The following LRP1B variants were observed in gnomAD, a reference collection of about 807,000 sequenced individuals.
The protein encoded by LRP1B is low-density lipoprotein receptor-related protein 1B.
LRP1B carries 217 observed loss-of-function variants against 556.6 expected under a neutral mutation model. The ratio of observed to expected loss-of-function variants is 0.39; its 90% CI spans 0.35 to 0.44. The LOEUF is 0.44. Ranked by LOEUF, LRP1B falls within the 20% of genes least tolerant of loss-of-function variation. The pLI, the probability that LRP1B is intolerant of heterozygous loss-of-function variation, is 1.00. For synonymous variants in LRP1B, 2,047 were observed against 1,865.8 expected, an observed-to-expected ratio of 1.10 and a Z score of -2.50; for missense variants, 5,053 against 5,620.8, an observed-to-expected ratio of 0.90 and a Z score of 3.23.
intron 3 of LRP1B, among the ~76,000 whole-genome samples, chr2:141,399,314 G>A (rs1690360968): frequency 6.6e-6 from 1 of 151,980 alleles, no homozygotes; most frequent in Admixed American, 6.6e-5. Flanking sequence ...CCACCCCAAA[G>A]TAAATATGAG....
chr2:141,069,123 A>G (rs1180825459), intron 7 of LRP1B, among the ~76,000 whole-genome samples: 1 of 152,080 alleles, frequency 6.6e-6, no homozygotes, highest in African/African-American at 2.4e-5. Context: ...TCCCTAATCA[A>G]GCCTGCTGAA....
chr2:140,753,273 A>G (rs1405872899), intron 35 of LRP1B, among the ~76,000 whole-genome samples: 1 of 152,228 alleles, frequency 6.6e-6, no homozygotes, highest in Non-Finnish European at 1.5e-5. Flanking sequence ...TAACAATTAC[A>G]TAATGTTTGT....
Position 140,974,223 on chromosome 2 carries a change from G to A in LRP1B, c.2887+7937C>T, listed in dbSNP as rs534310521. Among the ~76,000 whole-genome samples the A allele has an allele frequency of 6.6e-5, 10 of 152,288 alleles. No homozygotes were observed. The Middle Eastern group carries it at 0.01, about 155-fold the overall frequency. ...TGACATTGCTTACTGCCCAACAGTG[G>A]AATTAATTACCCTCTGAAATGTTGA... On this transcript the variant is annotated intron_variant, in intron 18 of 90. Coordinates refer to ENST00000389484, the MANE Select transcript of LRP1B (RefSeq NM_018557.3).
intron 3 of LRP1B, among the ~76,000 whole-genome samples, chr2:141,322,968 T>C (rs1440033637): frequency 6.6e-6 from 1 of 152,132 alleles, no homozygotes; most frequent in African/African-American, 2.4e-5. Flanking sequence ...CATATTTGTT[T>C]ACTCATTGCA....
intron 41 of LRP1B, among the ~76,000 whole-genome samples, chr2:140,633,405 C>G (rs1019373292): frequency 1.3e-5 from 2 of 152,042 alleles, no homozygotes; most frequent in Non-Finnish European, 2.9e-5. Flanking sequence ...ATCTCAGGCT[C>G]TACTGCAGAA....
intron 86 of LRP1B, among the ~76,000 whole-genome samples, chr2:140,255,996 T>G (rs1304656734): frequency 6.6e-6 from 1 of 152,206 alleles, no homozygotes; most frequent in Non-Finnish European, 1.5e-5. Flanking sequence ...AAATTGTGTA[T>G]CATTCAGTTC....
intron 3 of LRP1B, among the ~76,000 whole-genome samples, chr2:141,384,609 G>T (rs1483296397): frequency 6.6e-6 from 1 of 152,072 alleles, no homozygotes; most frequent in Non-Finnish European, 1.5e-5. Context: ...TCTCTTTATT[G>T]CCTTCATGTC....
chr2:140,606,415 C>T (rs2105213120), intron 41 of LRP1B, among the ~76,000 whole-genome samples: 1 of 151,774 alleles, frequency 6.6e-6, no homozygotes, highest in Admixed American at 6.6e-5. Flanking sequence ...GAATGGAAGG[C>T]CTAATATTAT....
intron 20 of LRP1B, among the ~76,000 whole-genome samples, chr2:140,941,960 A>C (rs1573904834): frequency 6.6e-6 from 1 of 152,266 alleles, no homozygotes; most frequent in East Asian, 1.9e-4. Flanking sequence ...AATGTCTAAA[A>C]TGACAGACAT....
At chr2:140,743,998 AGTAAAAT>A (rs1688233230) in intron 35 of LRP1B, among the ~76,000 whole-genome samples, 4 of 123,794 alleles carry the variant, frequency 3.2e-5, no homozygotes, top group East Asian at 2.4e-4. Context: ...AAAAGTAAAA[AGTAAAAT>A]CCATAGACAT....
At chr2:142,092,358 T>G (rs1353386458) in intron 1 of LRP1B, among the ~76,000 whole-genome samples, 1 of 152,152 alleles carries the variant, frequency 6.6e-6, no homozygotes, top group Non-Finnish European at 1.5e-5. Flanking sequence ...GGCATATTAG[T>G]ATTTTCATTT....
chr2:140,898,186 A>G (rs1045061022), intron 23 of LRP1B, among the ~76,000 whole-genome samples: 1 of 152,118 alleles, frequency 6.6e-6, no homozygotes. Flanking sequence ...TTTTTGTCCA[A>G]TCATATTTCT....
intron 7 of LRP1B, among the ~76,000 whole-genome samples, chr2:141,104,309 G>T (rs1700549729): frequency 6.6e-6 from 1 of 151,906 alleles, no homozygotes; most frequent in Non-Finnish European, 1.5e-5. Flanking sequence ...TGGGTAGGGG[G>T]ACTTGTTTGA....
At chr2:140,441,286 A>C (rs1303708933) in intron 66 of LRP1B, among the ~76,000 whole-genome samples, 1 of 152,156 alleles carries the variant, frequency 6.6e-6, no homozygotes, top group African/African-American at 2.4e-5. Context: ...TTGGTTTCAT[A>C]AGTGAAAATG....
At chr2:140,376,836 T>A (rs1683253395) in intron 68 of LRP1B, among the ~76,000 whole-genome samples, 1 of 152,136 alleles carries the variant, frequency 6.6e-6, no homozygotes, top group Non-Finnish European at 1.5e-5. Flanking sequence ...CTAGTTTGCA[T>A]GAATTCTGTA....
chr2:141,741,263 C>CTTTTTTTTTTTTTTTTTT (rs11326947), intron 2 of LRP1B, among the ~76,000 whole-genome samples: 7 of 57,990 alleles, frequency 1.2e-4, no homozygotes, highest in East Asian at 3.9e-4. Flanking sequence ...TACTGATTTC[C>CTTTTTTTTTTTTTTTTTT]TTTTTTTTTT....
chr2:141,054,719 G>A (rs1301099438), intron 10 of LRP1B, among the ~76,000 whole-genome samples: 1 of 152,054 alleles, frequency 6.6e-6, no homozygotes, highest in East Asian at 1.9e-4. Flanking sequence ...AATGAAGCCT[G>A]ACTATACATG....
At position 140,514,800 on chromosome 2, in the gene LRP1B, A is replaced by C. The variant is rs1030634076; in HGVS notation, c.8150-28T>G. On this transcript the variant is annotated intron_variant, in intron 50 of 90. Coordinates refer to ENST00000389484, the MANE Select transcript of LRP1B (RefSeq NM_018557.3). ...AGGAAACAAACAAAAGGAAAAAAAA[A>C]AATAGTTTGAGACCGTCTTACAACA... 3.8e-6 allele frequency: 6 copies of C among 1,597,868 alleles called. No homozygotes were observed. In the African/African-American group the frequency reaches 5.4e-5, roughly 14 times the overall value.
chr2:141,613,541 C>T (rs996224111), intron 2 of LRP1B, among the ~76,000 whole-genome samples: 2 of 152,088 alleles, frequency 1.3e-5, no homozygotes, highest in Non-Finnish European at 2.9e-5. Context: ...TCTACAGTGG[C>T]ATATACCTGT....
Sources: gnomAD v4.1 joint callset for allele counts (sites outside exome capture counted in the v4.1 genomes callset) on GRCh38, gnomAD v4.1.1 for gene constraint, MANE v1.5 for transcripts, NCBI Gene and HGNC (gene_info 2026-07-23, HGNC 2026-07-21) for gene names.